The following IGDCC4 variants were observed in gnomAD, a reference collection of about 807,000 sequenced individuals.
The protein encoded by IGDCC4 is immunoglobulin superfamily DCC subclass member 4.
A neutral mutation model predicts 116.6 loss-of-function variants in IGDCC4; 72 were observed. The observed-to-expected ratio is 0.62, with a 90% CI of 0.51 to 0.75. The LOEUF is 0.75. Among genes scored for constraint, IGDCC4 ranks in the 30% least tolerant of loss-of-function variants. IGDCC4 has a pLI of 0.00. For synonymous variants in IGDCC4, 709 were observed against 719.9 expected, an observed-to-expected ratio of 0.98 and a Z score of 0.24; for missense variants, 1,501 against 1,662.4, an observed-to-expected ratio of 0.90 and a Z score of 1.69.
In IGDCC4 at chr15:65,393,480, T is replaced by A. The variant is rs200495254; in HGVS notation, c.1766A>T (p.Asn589Ile). ...VRGNETQLML[N>I]SLQPNKVYRV... ...ATACACCTTGTTTGGCTGAAGCGAG[T>A]TCAGCATAAGCTGTGTCTCATTTCC... is the stretch of plus-strand genomic sequence containing the variant. The change falls in exon 10 of 20, where the codon AAC becomes ATC. Residue 589 changes from asparagine to isoleucine, a missense_variant. Transcript: ENST00000352385. The surrounding 1 kb of genome is among the most constrained non-coding windows in gnomAD (Gnocchi z 4.6). 132 of 1,612,048 alleles carry A rather than the reference T, an allele frequency of 8.2e-5. No homozygotes were observed. Among genetic ancestry groups the A allele is most frequent in the Non-Finnish European group, 1.1e-4 (129 of 1,179,020 alleles).
At chr15:65,385,341 C>G (rs1286088736) in intron 18 of IGDCC4, 2 of 577,732 alleles carry the variant, frequency 3.5e-6, no homozygotes, top group Non-Finnish European at 6.0e-6. Flanking sequence ...ACCAGACGCT[C>G]TGCAAAGCCC....
At position 65,388,431 on chromosome 15, in the gene IGDCC4, G is replaced by C; in HGVS notation, c.2845+18C>G. 6.2e-7 allele frequency: 1 copy of C among 1,613,932 alleles called. No individual in the cohort carries two copies. The highest frequency in any genetic ancestry group is 8.5e-7 in the Non-Finnish European group (1 of 1,180,008). ...TGGAAGTCAATCCAGGGAAACCTGG[G>C]CTGCCCTGTGCTCATACCTGACAGC... On this transcript the variant is annotated intron_variant, in intron 16 of 19. Transcript: ENST00000352385.
chr15:65,385,083 C>A lies in IGDCC4; in HGVS notation c.3213G>T (p.Trp1071Cys). ...ISWAQPSGLS[W>C]AGSWAGCELP... ...GCTCACAGCCTGCCCAGGAACCAGCCCAGCTCAGCCCGCTTGGTTGAGCCC... is the reference window on the plus strand; with the variant it reads ...GCTCACAGCCTGCCCAGGAACCAGCACAGCTCAGCCCGCTTGGTTGAGCCC... Residue 1071 changes from tryptophan to cysteine, a missense_variant, in exon 19 of 20, where the codon TGG (tryptophan) becomes TGT (cysteine). Physicochemically the swap from Trp to Cys is radical, Grantham distance 215. Transcript: ENST00000352385. 1 of 1,602,616 alleles carries A rather than the reference C, an allele frequency of 6.2e-7. No homozygotes were observed. The highest frequency in any genetic ancestry group is 1.3e-5 in the African/African-American group (1 of 74,556).
Position 65,402,498 on chromosome 15 carries a change from G to T in IGDCC4, c.564-11C>A. On this transcript the variant is annotated splice_polypyrimidine_tract_variant and intron_variant, in intron 3 of 19. Coordinates refer to ENST00000352385, the MANE Select transcript of IGDCC4 (RefSeq NM_020962.3). ...GGAAGCACGATGAGCCTTGGGAAGA[G>T]GGGAGCAGGCAACTGTGAGGTGGGC... The T allele has an allele frequency of 6.4e-7, 1 of 1,564,424 alleles. No individual in the cohort carries two copies. The highest frequency in any genetic ancestry group is 2.3e-5 in the East Asian group (1 of 42,918).
chr15:65,410,138 G>A (rs372992883), intron 3 of IGDCC4, 40 bp downstream of exon 3: 16 of 1,608,242 alleles, frequency 9.9e-6, no homozygotes, highest in Non-Finnish European at 1.4e-5. Context: ...AGCCCTCTCT[G>A]CCCTGCCTAC....
In IGDCC4 at chr15:65,411,045, G is replaced by T. The variant is rs1410339181; in HGVS notation, c.396C>A (p.Ser132Arg). ...LAHGPLGVLA[S>R]QTAVVKLATL... The stretch of plus-strand genomic sequence containing the variant: ...TGGCAAGCTTGACGACAGCAGTCTG[G>T]CTGGCCAGCACTCCGAGGGGGCCGT... Residue 132 changes from serine to arginine, a missense_variant, in exon 2 of 20, where the codon AGC (serine) becomes AGA (arginine). By Grantham distance (110) the Ser-to-Arg change is moderately radical (BLOSUM62 -1). Around this residue, in one of 3 missense-constraint regions of IGDCC4, gnomAD observed 898 missense variants for 978.9 expected, o/e 0.92. Coordinates refer to ENST00000352385, the MANE Select transcript of IGDCC4 (RefSeq NM_020962.3). The T allele has an allele frequency of 1.2e-6, 2 of 1,611,682 alleles. No homozygotes were observed. Among genetic ancestry groups the T allele is most frequent in the East Asian group, 4.5e-5 (2 of 44,810 alleles).
At chr15:65,386,911 C>T (rs542451379) in intron 16 of IGDCC4, among the ~76,000 whole-genome samples, 66 of 152,206 alleles carry the variant, frequency 4.3e-4, no homozygotes, top group Non-Finnish European at 7.1e-4. Flanking sequence ...TGGTGAAGCA[C>T]GTGTTGCCTG....
At position 65,381,762 on chromosome 15, in the gene IGDCC4, T is replaced by A. The variant is rs1259381691; in HGVS notation, c.*2247A>T. On this transcript the variant is annotated 3_prime_UTR_variant, in exon 20 of 20. Transcript: ENST00000352385. ...TAATACCCTGTAAAAGGCCAATAGA[T>A]TCTTTTCTAATAAAAATACTGCTAC... 1 of 152,480 alleles carries A rather than the reference T, an allele frequency of 6.6e-6. No homozygotes were observed. The highest frequency in any genetic ancestry group is 1.5e-5 in the Non-Finnish European group (1 of 68,038). 9.4% of individuals were successfully genotyped at this position (152,480 alleles called of 1,614,324 possible).
intron 17 of IGDCC4, 103 bp downstream of exon 17, chr15:65,386,448 G>T: frequency 1.1e-6 from 1 of 950,832 alleles, no homozygotes; most frequent in Non-Finnish European, 1.6e-6. Flanking sequence ...CGGGGCTCCT[G>T]GGAGTGCCAA....
chr15:65,397,032 C>T, intron 5 of IGDCC4, 43 bp from the exon 6 acceptor site: 1 of 1,553,598 alleles, frequency 6.4e-7, no homozygotes, highest in Non-Finnish European at 8.7e-7. Flanking sequence ...ACGCTAGGGA[C>T]TGCCCTTCCC....
intron 10 of IGDCC4, 21 bp from the exon 11 acceptor site, chr15:65,392,391 A>T (rs1388279387): frequency 1.3e-6 from 2 of 1,482,992 alleles, no homozygotes; most frequent in East Asian, 2.4e-5. Context: ...GAGGAGCAGG[A>T]TGGGAAAATT....
In IGDCC4 at chr15:65,385,113, G is replaced by A. The variant is rs1231549662; in HGVS notation, c.3183C>T (p.Ile1061=). Residue 1061 remains isoleucine (I), a splice_region_variant and synonymous_variant, in exon 19 of 20, where the codon ATC becomes ATT. Transcript: ENST00000352385. ...TCAGCCCGCTTGGTTGAGCCCAGGA[G>A]ATCTGCACGGGGGAAAGAAGGGGAC... The part of the protein sequence containing the change: ...SEGRSHSKRK[I]SWAQPSGLSW... 7 of 1,590,218 alleles carry A rather than the reference G, an allele frequency of 4.4e-6. No homozygotes were observed. Among genetic ancestry groups the A allele is most frequent in the Non-Finnish European group, 6.0e-6 (7 of 1,174,670 alleles).
intron 3 of IGDCC4, among the ~76,000 whole-genome samples, chr15:65,405,558 C>T (rs1295479613): frequency 1.5e-5 from 2 of 132,528 alleles, no homozygotes; most frequent in Non-Finnish European, 3.1e-5. Flanking sequence ...CTTCACAACC[C>T]TGACCCTCTT....
chr15:65,389,084 G>A (rs762731875), intron 14 of IGDCC4, 106 bp from the exon 15 acceptor site: 4 of 1,077,714 alleles, frequency 3.7e-6, no homozygotes, highest in African/African-American at 1.6e-5. Flanking sequence ...ACAAAGCAAA[G>A]ATGAGGTCTG....
intron 16 of IGDCC4, 45 bp from the exon 17 acceptor site, chr15:65,386,701 G>C: frequency 6.9e-7 from 1 of 1,457,410 alleles, no homozygotes; most frequent in South Asian, 1.2e-5. Context: ...GACAGAGGAA[G>C]GGCACAGGGC....
chr15:65,422,857 C>A lies in IGDCC4; in HGVS notation c.6G>T (p.Ala2=). 3.4e-6 allele frequency: 4 copies of A among 1,183,546 alleles called. No homozygotes were observed. Among genetic ancestry groups the A allele is most frequent in the Admixed American group, 4.7e-5 (1 of 21,208 alleles). The allele number at this position is 1,183,546 out of a possible 1,614,324, so 73.3% of individuals were successfully genotyped here. A position where few individuals can be genotyped will look rare whatever the true frequency, so the allele number is the denominator to read the frequency against. M[A]RGDAGRGRGL... is the part of the protein sequence containing the mutation. ...CGCGGCCGCGGCCGGCGTCCCCCCGCGCCATGGGGCTGGGCTCGGGCCGCC... is the reference window on the plus strand; with the variant it reads ...CGCGGCCGCGGCCGGCGTCCCCCCGAGCCATGGGGCTGGGCTCGGGCCGCC... The change falls in exon 1 of 20, where the codon GCG becomes GCT. Residue 2 remains alanine (A), a synonymous_variant. Coordinates refer to ENST00000352385, the MANE Select transcript of IGDCC4 (RefSeq NM_020962.3).
At chr15:65,386,723 C>CT in intron 16 of IGDCC4, 67 bp from the exon 17 acceptor site, 1 of 1,210,938 alleles carries the variant, frequency 8.3e-7, no homozygotes, top group South Asian at 1.3e-5. Flanking sequence ...TAGATCAGGA[C>CT]TATCCATGGC....
At chr15:65,397,037 C>G (rs747740418) in intron 5 of IGDCC4, 48 bp from the exon 6 acceptor site, 2 of 1,550,864 alleles carry the variant, frequency 1.3e-6, no homozygotes, top group East Asian at 2.4e-5. Flanking sequence ...AGGGACTGCC[C>G]TTCCCTTCAG....
chr15:65,388,422 G>A, intron 16 of IGDCC4, 27 bp downstream of exon 16: 4 of 1,613,566 alleles, frequency 2.5e-6, no homozygotes, highest in Non-Finnish European at 3.4e-6. Flanking sequence ...TCAATCCAGG[G>A]AAACCTGGGC....
Sources: gnomAD v4.1 joint callset for allele counts (sites outside exome capture counted in the v4.1 genomes callset) on GRCh38, gnomAD v4.1.1 for gene constraint, gnomAD v4.1.1 regional missense constraint, Gnocchi (gnomAD v3.1) non-coding constraint, MANE v1.5 for transcripts, NCBI Gene and HGNC (gene_info 2026-07-23, HGNC 2026-07-21) for gene names.